The following FILIP1 variants were observed in gnomAD, a reference collection of about 807,000 sequenced individuals.
The protein encoded by FILIP1 is filamin A interacting protein 1, also known as filamin-A-interacting protein 1.
A neutral mutation model predicts 102.1 loss-of-function variants in FILIP1; 61 were observed. That is an observed-to-expected ratio of 0.60 (90% confidence interval 0.49 to 0.74). The LOEUF (loss-of-function observed/expected upper bound fraction) is 0.74, where lower values mean the gene tolerates loss of function less well. Among genes scored for constraint, FILIP1 ranks in the 30% least tolerant of loss-of-function variants. The pLI is 0.00. For missense variants in FILIP1, 1,314 were observed against 1,441.2 expected, an observed-to-expected ratio of 0.91 and a Z score of 1.43; for synonymous variants, 491 against 526.9, an observed-to-expected ratio of 0.93 and a Z score of 0.93.
At chr6:75,407,159 A>G (rs1338182876) in intron 2 of FILIP1, among the ~76,000 whole-genome samples, 1 of 152,236 alleles carries the variant, frequency 6.6e-6, no homozygotes, top group Non-Finnish European at 1.5e-5. Flanking sequence ...GAATGTGTTT[A>G]TGAGTTAAGA....
At chr6:75,317,520 A>G (rs938162031) in intron 4 of FILIP1, among the ~76,000 whole-genome samples, 6 of 152,212 alleles carry the variant, frequency 3.9e-5, no homozygotes, top group African/African-American at 1.4e-4. Flanking sequence ...TAACCAATAA[A>G]TATTTTTGTC....
At chr6:75,403,418 G>A (rs1201645325) in intron 2 of FILIP1, among the ~76,000 whole-genome samples, 1 of 151,008 alleles carries the variant, frequency 6.6e-6, no homozygotes, top group Non-Finnish European at 1.5e-5. Flanking sequence ...AAGGGGCTGA[G>A]GCAAGAGGAT....
At chr6:75,360,024 G>A (rs1165445034) in intron 3 of FILIP1, among the ~76,000 whole-genome samples, 1 of 152,196 alleles carries the variant, frequency 6.6e-6, no homozygotes, top group African/African-American at 2.4e-5. Context: ...GCCACTCACT[G>A]AGGGCAAAGA....
downstream of FILIP1, among the ~76,000 whole-genome samples, chr6:75,306,607 AAT>A (rs1362431802): frequency 6.6e-6 from 1 of 152,198 alleles, no homozygotes; most frequent in Non-Finnish European, 1.5e-5. Flanking sequence ...CTTGTAAAAA[AAT>A]ATGTCAGTAT....
intron 4 of FILIP1, chr6:75,319,280 G>A: frequency 1.5e-6 from 1 of 670,614 alleles, no homozygotes; most frequent in Admixed American, 1.9e-5. Flanking sequence ...ACCTGTCCCA[G>A]TTTCTTCCAG....
chr6:75,385,090 C>T lies in FILIP1; in HGVS notation c.277-22173G>A, dbSNP rs144960890. 1.3e-3 allele frequency among the ~76,000 whole-genome samples: 203 copies of T among 151,664 alleles called. 1 individual carries two copies. In the East Asian group the frequency reaches 0.019, roughly 14 times the overall value. On this transcript the variant is annotated intron_variant, in intron 2 of 5. Transcript: ENST00000237172. The stretch of plus-strand genomic sequence containing the variant: ...CTGGGATTACAAGAGTGGGCCACCA[C>T]GCCCAACCTAATTTCTTAATTTATA...
intron 4 of FILIP1, among the ~76,000 whole-genome samples, chr6:75,336,348 G>T (rs1033692293): frequency 1.1e-4 from 16 of 152,214 alleles, no homozygotes; most frequent in Admixed American, 1.0e-3. Context: ...GCTGTTATGA[G>T]AATTAAATAA....
At chr6:75,449,067 T>C (rs1366101689) in intron 1 of FILIP1, among the ~76,000 whole-genome samples, 2 of 152,082 alleles carry the variant, frequency 1.3e-5, no homozygotes, top group Non-Finnish European at 2.9e-5. Context: ...AAAAAAGATA[T>C]GGAACCAACC....
chr6:75,403,162 G>GC (rs1776712546), intron 2 of FILIP1, among the ~76,000 whole-genome samples: 1 of 152,070 alleles, frequency 6.6e-6, no homozygotes, highest in African/African-American at 2.4e-5. Context: ...AAGCATTGGG[G>GC]AGCAAGTCAT....
At chr6:75,335,914 T>C (rs1322274822) in intron 4 of FILIP1, among the ~76,000 whole-genome samples, 1 of 152,212 alleles carries the variant, frequency 6.6e-6, no homozygotes, top group African/African-American at 2.4e-5. Flanking sequence ...CTCAATAGCC[T>C]GAACTGAATA....
chr6:75,383,066 C>A (rs1775955968), intron 2 of FILIP1, among the ~76,000 whole-genome samples: 1 of 152,138 alleles, frequency 6.6e-6, no homozygotes. Context: ...TGCTGGGTTT[C>A]AAGATTATGT....
intron 4 of FILIP1, among the ~76,000 whole-genome samples, chr6:75,317,182 T>G (rs1773474017): frequency 6.6e-6 from 1 of 152,204 alleles, no homozygotes; most frequent in Non-Finnish European, 1.5e-5. Context: ...ACTGAAACTC[T>G]CTGATTCTCA....
At chr6:75,476,217 G>T (rs1213729132) in intron 1 of FILIP1, among the ~76,000 whole-genome samples, 2 of 148,378 alleles carry the variant, frequency 1.3e-5, no homozygotes, top group Non-Finnish European at 3.0e-5. Flanking sequence ...CTCGAGCCTG[G>T]GCGACAGAGC....
At chr6:75,363,151 T>C in intron 2 of FILIP1, 1 of 438,246 alleles carries the variant, frequency 2.3e-6, no homozygotes, top group Admixed American at 3.6e-5. Flanking sequence ...GTGCTAATAT[T>C]AACTACATAA....
intron 1 of FILIP1, among the ~76,000 whole-genome samples, chr6:75,433,717 CT>C (rs1777910492): frequency 6.6e-6 from 1 of 152,168 alleles, no homozygotes; most frequent in African/African-American, 2.4e-5. Flanking sequence ...TCAATTTTGG[CT>C]TTTATTGCCA....
intron 4 of FILIP1, among the ~76,000 whole-genome samples, chr6:75,348,414 C>T (rs1371732669): frequency 6.6e-6 from 1 of 152,148 alleles, no homozygotes; most frequent in Admixed American, 6.5e-5. Flanking sequence ...TAAGCCAAAA[C>T]ATTTTAAAAT....
chr6:75,455,991 T>C lies in FILIP1; in HGVS notation c.-7+37423A>G, dbSNP rs150612261. Among the ~76,000 whole-genome samples, 63 of 152,342 alleles carry C rather than the reference T, an allele frequency of 4.1e-4. No individual in the cohort carries two copies. The East Asian group carries it at 0.012, about 28-fold the overall frequency. On this transcript the variant is annotated intron_variant, in intron 1 of 5. Coordinates refer to ENST00000237172, the MANE Select transcript of FILIP1 (RefSeq NM_015687.5). ...CAACTTTTATACCTTGACGTCTTTA[T>C]TTATGCCTTTTCCCTCACCTAAAAT...
intron 1 of FILIP1, among the ~76,000 whole-genome samples, chr6:75,439,953 T>C (rs1234779200): frequency 6.6e-6 from 1 of 152,228 alleles, no homozygotes; most frequent in Non-Finnish European, 1.5e-5. Context: ...TCACCATGGA[T>C]ATCCTACCTC....
intron 4 of FILIP1, among the ~76,000 whole-genome samples, chr6:75,337,544 CTTT>C (rs112013774): frequency 1.4e-5 from 2 of 144,906 alleles, no homozygotes; most frequent in South Asian, 2.2e-4. Context: ...TCTCACAAAA[CTTT>C]TTTTTTTTTT....
Sources: gnomAD v4.1 joint callset for allele counts (sites outside exome capture counted in the v4.1 genomes callset) on GRCh38, gnomAD v4.1.1 for gene constraint, MANE v1.5 for transcripts, NCBI Gene and HGNC (gene_info 2026-07-23, HGNC 2026-07-21) for gene names.